LRRTM4: variants seen among roughly 807,000 people sequenced by gnomAD.
LRRTM4 encodes leucine rich repeat transmembrane neuronal 4, also known as leucine-rich repeat transmembrane neuronal protein 4.
A neutral mutation model predicts 47.6 loss-of-function variants in LRRTM4; 25 were observed. The observed-to-expected ratio is 0.53, with a 90% confidence interval of 0.38 to 0.73. The LOEUF (loss-of-function observed/expected upper bound fraction) is 0.73, where lower values mean the gene tolerates loss of function less well. Among genes scored for constraint, LRRTM4 ranks in the 30% least tolerant of loss-of-function variants. LRRTM4 has a pLI of 0.00. For synonymous variants in LRRTM4, 311 were observed against 269.5 expected (o/e 1.15, Z -1.51); for missense variants, 638 against 713.4 (o/e 0.89, Z 1.20).
intron 3 of LRRTM4, among the ~76,000 whole-genome samples, chr2:77,145,295 T>C (rs1301504373): frequency 1.3e-5 from 2 of 151,536 alleles, no homozygotes; most frequent in African/African-American, 2.4e-5. Flanking sequence ...ATAGTAAAAG[T>C]ATATAAAATA....
At chr2:76,903,426 C>T (rs1673712559) in intron 3 of LRRTM4, among the ~76,000 whole-genome samples, 1 of 151,908 alleles carries the variant, frequency 6.6e-6, no homozygotes, top group Non-Finnish European at 1.5e-5. Context: ...GTCCCAGCTA[C>T]TCGGGAGGCT....
intron 3 of LRRTM4, among the ~76,000 whole-genome samples, chr2:77,216,095 C>T (rs910557491): frequency 6.6e-6 from 1 of 151,704 alleles, no homozygotes; most frequent in Non-Finnish European, 1.5e-5. Context: ...AACTGCCCCC[C>T]CACCCAGCAA....
chr2:76,944,658 C>T (rs867035872), intron 3 of LRRTM4, among the ~76,000 whole-genome samples: 1 of 151,990 alleles, frequency 6.6e-6, no homozygotes, highest in Non-Finnish European at 1.5e-5. Context: ...ATTTAAAACT[C>T]GTCTGCTCTC....
chr2:77,419,393 G>A (rs1458427748), intron 3 of LRRTM4, among the ~76,000 whole-genome samples: 1 of 152,174 alleles, frequency 6.6e-6, no homozygotes, highest in African/African-American at 2.4e-5. Flanking sequence ...ATCCATGGAT[G>A]TTCAAGTCCC....
At chr2:77,396,319 T>C (rs1165419491) in intron 3 of LRRTM4, among the ~76,000 whole-genome samples, 1 of 151,868 alleles carries the variant, frequency 6.6e-6, no homozygotes, top group Non-Finnish European at 1.5e-5. Context: ...ACAGACATTG[T>C]TTATGCTCCC....
chr2:77,079,304 G>C (rs1680453933), intron 3 of LRRTM4, among the ~76,000 whole-genome samples: 1 of 152,142 alleles, frequency 6.6e-6, no homozygotes, highest in Non-Finnish European at 1.5e-5. Flanking sequence ...GCAAACCATG[G>C]TTTGCAAGCC....
At chr2:77,314,858 T>G (rs1677571867) in intron 3 of LRRTM4, among the ~76,000 whole-genome samples, 1 of 152,198 alleles carries the variant, frequency 6.6e-6, no homozygotes, top group South Asian at 2.1e-4. Flanking sequence ...TCTCTAGTGA[T>G]GCTGGACCAC....
chr2:77,190,289 ATCT>A (rs1000955144), intron 3 of LRRTM4, among the ~76,000 whole-genome samples: 2 of 107,522 alleles, frequency 1.9e-5, no homozygotes, highest in Non-Finnish European at 3.6e-5. Flanking sequence ...GAGCATTTTC[ATCT>A]TTTTTTTTTT....
Position 77,430,909 on chromosome 2 carries a change from TA to T in LRRTM4, c.1551+87408del, listed in dbSNP as rs940880671. On this transcript the variant is annotated intron_variant, in intron 3 of 3. Transcript: ENST00000409884. ...CCATCCAATCAGATGGGGGCCCAGA[TA>T]AAAAAAAAGTCAGAGGAAAGGCCAA... 9.5e-5 allele frequency among the ~76,000 whole-genome samples: 14 copies of T among 146,952 alleles called. 2 individuals carry two copies. The highest frequency in any genetic ancestry group is 3.5e-4 in the African/African-American group (13 of 37,294).
At chr2:77,019,253 CAA>C (rs56028060) in intron 3 of LRRTM4, among the ~76,000 whole-genome samples, 12 of 80,526 alleles carry the variant, frequency 1.5e-4, no homozygotes, top group Admixed American at 1.4e-4. Context: ...CACTGCTCTA[CAA>C]AAAAAAAAAA....
rs1679297676 is a variant in LRRTM4 at position 77,518,186 on chromosome 2, T to C, written c.1551+132A>G. 6 of 1,346,074 alleles carry C rather than the reference T, an allele frequency of 4.5e-6. No homozygotes were observed. In the East Asian group the frequency reaches 1.3e-4, roughly 30 times the overall value. 83.4% of individuals were successfully genotyped at this position (1,346,074 alleles called of 1,614,324 possible). A position where few individuals can be genotyped will look rare whatever the true frequency, so the allele number is the denominator to read the frequency against. On this transcript the variant is annotated intron_variant, in intron 3 of 3. Coordinates refer to ENST00000409884, the MANE Select transcript of LRRTM4 (RefSeq NM_001134745.3). ...TGGTTGTAATTTAATTAAGTAACCT[T>C]TCACACTGAGCAAAACCCAAAAGCA...
chr2:76,909,521 G>T (rs556952568), intron 3 of LRRTM4, among the ~76,000 whole-genome samples: 33 of 152,048 alleles, frequency 2.2e-4, no homozygotes, highest in African/African-American at 8.0e-4. Context: ...AAGAGCTTCT[G>T]CACAGCAAAA....
intron 3 of LRRTM4, among the ~76,000 whole-genome samples, chr2:77,459,417 T>C (rs1030056126): frequency 6.6e-6 from 1 of 152,154 alleles, no homozygotes; most frequent in Non-Finnish European, 1.5e-5. Context: ...TACAGAGACA[T>C]ATACAGCAAT....
chr2:77,327,393 C>T lies in LRRTM4; in HGVS notation c.1551+190925G>A, dbSNP rs1670816633. Among the ~76,000 whole-genome samples, 4 of 152,114 alleles carry T rather than the reference C, an allele frequency of 2.6e-5. No homozygotes were observed. The South Asian group carries it at 8.3e-4, about 31-fold the overall frequency. The stretch of plus-strand genomic sequence containing the variant: ...ATACCACTTACGTGGGCATAGAGTT[C>T]AGTTTTTACAGGGTGATTTGTAGCC... On this transcript the variant is annotated intron_variant, in intron 3 of 3. Coordinates refer to ENST00000409884, the MANE Select transcript of LRRTM4 (RefSeq NM_001134745.3).
intron 3 of LRRTM4, among the ~76,000 whole-genome samples, chr2:76,838,154 A>T (rs1436747861): frequency 6.6e-6 from 1 of 151,952 alleles, no homozygotes; most frequent in South Asian, 2.1e-4. Flanking sequence ...TATTAGTACT[A>T]TTTATATAAA....
Position 77,280,004 on chromosome 2 carries a change from T to C in LRRTM4, c.1551+238314A>G, listed in dbSNP as rs1230717127. Among the ~76,000 whole-genome samples, 4 of 152,040 alleles carry C rather than the reference T, an allele frequency of 2.6e-5. No homozygotes were observed. In the East Asian group the frequency reaches 7.7e-4, roughly 29 times the overall value. ...GTCCATACCTAATCTCCAGAACCTA[T>C]GACCATGCTAGTCTGCATGGCAAAG... On this transcript the variant is annotated intron_variant, in intron 3 of 3. Transcript: ENST00000409884.
chr2:76,936,849 G>T (rs1204824725), intron 3 of LRRTM4, among the ~76,000 whole-genome samples: 2 of 149,178 alleles, frequency 1.3e-5, no homozygotes, highest in African/African-American at 4.9e-5. Flanking sequence ...AGCTACTCAG[G>T]AGGCTGAGGC....
intron 3 of LRRTM4, among the ~76,000 whole-genome samples, chr2:77,103,667 A>ATATATCACATATATATATATATATATATC (rs1553389712): frequency 6.8e-6 from 1 of 146,274 alleles, no homozygotes; most frequent in African/African-American, 2.6e-5. Flanking sequence ...ATATATAGAT[A>ATATATCACATATATATATATATATATATC]TATATATCAC....
chr2:76,956,022 T>G (rs1252895902), intron 3 of LRRTM4, among the ~76,000 whole-genome samples: 1 of 149,114 alleles, frequency 6.7e-6, no homozygotes, highest in East Asian at 2.0e-4. Flanking sequence ...AAAAAAAGCC[T>G]AGAGAGGTTG....
Sources: gnomAD v4.1 joint callset for allele counts (sites outside exome capture counted in the v4.1 genomes callset) on GRCh38, gnomAD v4.1.1 for gene constraint, MANE v1.5 for transcripts, NCBI Gene and HGNC (gene_info 2026-07-23, HGNC 2026-07-21) for gene names.